Variants in BCL3 observed in about 807,000 individuals in gnomAD.
BCL3 encodes the protein BCL3 transcription coactivator.
BCL3 carries 15 observed loss-of-function variants against 35.7 expected under a neutral mutation model. The ratio of observed to expected loss-of-function variants is 0.42; its 90% CI spans 0.28 to 0.65. The LOEUF (loss-of-function observed/expected upper bound fraction) is 0.65, where lower values mean the gene tolerates loss of function less well. Ranked by LOEUF, BCL3 falls within the 30% of genes least tolerant of loss-of-function variation. BCL3 has a pLI of 0.22. For missense variants in BCL3, 565 were observed against 641.7 expected, an observed-to-expected ratio of 0.88 and a Z score of 1.29; for synonymous variants, 311 against 284.3, an observed-to-expected ratio of 1.09 and a Z score of -0.95.
chr19:44,749,110 A>G, intron 1 of BCL3, 64 bp downstream of exon 1: 1 of 895,922 alleles, frequency 1.1e-6, no homozygotes, highest in Non-Finnish European at 1.4e-6. Context: ...CACCAGAGCC[A>G]GGAGGCAGAG....
At position 44,757,540 on chromosome 19, in the gene BCL3, A is replaced by G; in HGVS notation, c.814-106A>G. 6.6e-7 allele frequency: 1 copy of G among 1,519,670 alleles called. No homozygotes were observed. Among genetic ancestry groups the G allele is most frequent in the South Asian group, 1.2e-5 (1 of 86,298 alleles). The allele number at this position is 1,519,670 out of a possible 1,614,324, so 94.1% of individuals were successfully genotyped here. ...GGTGGGGTGGGGCTTGGAGTATCAG[A>G]CCCAAGAGAGAGGCTGGACCCCGCG... On this transcript the variant is annotated intron_variant, in intron 5 of 8. Transcript: ENST00000164227. This position sits in a 1 kb window ranked among gnomAD's most constrained non-coding sequence, Gnocchi z 8.4.
upstream of BCL3, chr19:44,748,113 C>A: frequency 7.6e-7 from 1 of 1,317,610 alleles, no homozygotes. Flanking sequence ...AGTGTTTGGC[C>A]AAGGTCACCC....
At chr19:44,759,406 T>G (rs1599845148) in intron 8 of BCL3, 22 bp from the exon 9 acceptor site, 8 of 1,251,550 alleles carry the variant, frequency 6.4e-6, no homozygotes, top group Non-Finnish European at 8.4e-6. Context: ...CACCCACCCC[T>G]CTGTCTCTCT....
Position 44,751,363 on chromosome 19 carries a change from A to T in BCL3, c.393A>T (p.Ala131=). 6.3e-7 allele frequency: 1 copy of T among 1,594,774 alleles called. No individual in the cohort carries two copies. Among genetic ancestry groups the T allele is most frequent in the East Asian group, 2.3e-5 (1 of 43,466 alleles). The change falls in exon 2 of 9, where the codon GCA becomes GCT. Residue 131 remains alanine, a synonymous_variant. Coordinates refer to ENST00000164227, the MANE Select transcript of BCL3 (RefSeq NM_005178.5). ...LSADIAMATR[A]DEDGDTPLHI... The stretch of plus-strand genomic sequence containing the variant: ...CTGACATCGCCATGGCCACCCGTGC[A>T]GATGAGGACGGAGACACGTGAGTGA...
intron 2 of BCL3, among the ~76,000 whole-genome samples, chr19:44,752,720 T>A (rs1476607178): frequency 6.6e-6 from 1 of 152,208 alleles, no homozygotes; most frequent in African/African-American, 2.4e-5. Flanking sequence ...CTGCAATTGA[T>A]CATCATGATT....
chr19:44,749,283 G>T (rs1171351450), intron 1 of BCL3, among the ~76,000 whole-genome samples: 3 of 69,852 alleles, frequency 4.3e-5, no homozygotes, highest in African/African-American at 1.5e-4. Context: ...GCTGAGTGAC[G>T]TGGGGGGGGG....
Position 44,757,133 on chromosome 19 carries a change from G to T in BCL3, c.636G>T (p.Ala212=). 2 of 1,597,952 alleles carry T rather than the reference G, an allele frequency of 1.3e-6. No homozygotes were observed. Among genetic ancestry groups the T allele is most frequent in the Non-Finnish European group, 1.7e-6 (2 of 1,173,000 alleles). Residue 212 remains alanine (A), a synonymous_variant, in exon 4 of 9, where the codon GCG becomes GCT. Transcript: ENST00000164227. This position sits in a 1 kb window ranked among gnomAD's most constrained non-coding sequence, Gnocchi z 8.4. ...DRHGQTAAHL[A]CEHRSPTCLR... is the part of the protein sequence containing the mutation. ...ATGGCCAGACGGCCGCTCACCTGGC[G>T]TGCGAGCACCGCAGCCCGACCTGCC...
chr19:44,758,234 C>T lies in BCL3; in HGVS notation c.892-12C>T. On this transcript the variant is annotated splice_polypyrimidine_tract_variant and intron_variant, in intron 6 of 8. Coordinates refer to ENST00000164227, the MANE Select transcript of BCL3 (RefSeq NM_005178.5). ...CCGCGCGCCCTCCTGACCCGGCCCT[C>T]CCGTCCCGCAGCACGGCGCCAACGT... 1 of 1,474,984 alleles carries T rather than the reference C, an allele frequency of 6.8e-7. No homozygotes were observed. Among genetic ancestry groups the T allele is most frequent in the Non-Finnish European group, 8.9e-7 (1 of 1,123,168 alleles). 91.4% of individuals were successfully genotyped at this position (1,474,984 alleles called of 1,614,324 possible).
Position 44,749,054 on chromosome 19 carries a change from G to A in BCL3, c.256+8G>A. On this transcript the variant is annotated splice_region_variant and intron_variant, in intron 1 of 8. Transcript: ENST00000164227. ...AGGCGCTTTACTACCCCGGTGAGTG[G>A]CCCCCGAGGGTCCGGGCCGGGTGGG... The A allele has an allele frequency of 1.5e-6, 2 of 1,307,472 alleles. No homozygotes were observed. Among genetic ancestry groups the A allele is most frequent in the African/African-American group, 1.6e-5 (1 of 64,308 alleles). The allele number at this position is 1,307,472 out of a possible 1,614,324, so 81.0% of individuals were successfully genotyped here. A position where few individuals can be genotyped will look rare whatever the true frequency, so the allele number is the denominator to read the frequency against.
At position 44,756,185 on chromosome 19, in the gene BCL3, G is replaced by A. The variant is rs777952079; in HGVS notation, c.411-47G>A. 3.1e-6 allele frequency: 4 copies of A among 1,304,478 alleles called. 1 individual carries two copies. The South Asian group carries it at 5.9e-5, about 19-fold the overall frequency. 80.8% of individuals were successfully genotyped at this position (1,304,478 alleles called of 1,614,324 possible). A position where few individuals can be genotyped will look rare whatever the true frequency, so the allele number is the denominator to read the frequency against. On this transcript the variant is annotated intron_variant, in intron 2 of 8. Transcript: ENST00000164227. ...ATTGCCAACAGCATGAGGGTGAGAG[G>A]TGAACAACCCCTAATGCCTGTGATT... is the stretch of plus-strand genomic sequence containing the variant.
chr19:44,757,132 C>T lies in BCL3; in HGVS notation c.635C>T (p.Ala212Val). The part of the protein sequence containing the change: ...DRHGQTAAHL[A>V]CEHRSPTCLR... ...CATGGCCAGACGGCCGCTCACCTGG[C>T]GTGCGAGCACCGCAGCCCGACCTGC... Residue 212 changes from alanine to valine, a missense_variant, in exon 4 of 9, where the codon GCG becomes GTG. By Grantham distance (64) the Ala-to-Val change is moderately conservative. This residue lies in a region of BCL3 where 5 missense variants were observed against 27.2 expected (regional missense o/e 0.18). Transcript: ENST00000164227. This position sits in a 1 kb window ranked among gnomAD's most constrained non-coding sequence, Gnocchi z 8.4. The T allele has an allele frequency of 6.3e-7, 1 of 1,597,730 alleles. No homozygotes were observed.
intron 2 of BCL3, among the ~76,000 whole-genome samples, chr19:44,751,584 C>T (rs1244324775): frequency 6.6e-6 from 1 of 152,070 alleles, no homozygotes; most frequent in African/African-American, 2.4e-5. Flanking sequence ...ACCTCCTAGG[C>T]CACTATTTTT....
chr19:44,757,769 C>A lies in BCL3; in HGVS notation c.891+46C>A. ...CCTCGCGCCCACCCTATCCTCTGAC[C>A]CCAACCCGGCTCTGGCCTCAGCCCC... On this transcript the variant is annotated intron_variant, in intron 6 of 8. Coordinates refer to ENST00000164227, the MANE Select transcript of BCL3 (RefSeq NM_005178.5). The surrounding 1 kb of genome is among the most constrained non-coding windows in gnomAD (Gnocchi z 8.4). 1 of 1,580,188 alleles carries A rather than the reference C, an allele frequency of 6.3e-7. No individual in the cohort carries two copies. The highest frequency in any genetic ancestry group is 8.7e-7 in the Non-Finnish European group (1 of 1,152,254).
chr19:44,756,336 G>A lies in BCL3; in HGVS notation c.515G>A (p.Arg172Gln), dbSNP rs1398101495. The change falls in exon 3 of 9, where the codon CGG becomes CAG. Residue 172 changes from arginine to glutamine, a missense_variant. Transcript: ENST00000164227. ...GAGCTCGACATCTACAACAACCTACGGCAGGTGAGGCTCGGTCTGAGGGAG... is the reference window on the plus strand; with the variant it reads ...GAGCTCGACATCTACAACAACCTACAGCAGGTGAGGCTCGGTCTGAGGGAG... ...GRELDIYNNLRQTPLHLAVIT... is the reference protein window; with the variant it reads ...GRELDIYNNLQQTPLHLAVIT... 6 of 1,500,648 alleles carry A rather than the reference G, an allele frequency of 4.0e-6. No individual in the cohort carries two copies. Among genetic ancestry groups the A allele is most frequent in the Non-Finnish European group, 2.7e-6 (3 of 1,118,040 alleles). The allele number at this position is 1,500,648 out of a possible 1,614,324, so 93.0% of individuals were successfully genotyped here.
chr19:44,756,980 G>T, intron 3 of BCL3, 37 bp from the exon 4 acceptor site: 1 of 1,555,398 alleles, frequency 6.4e-7, no homozygotes, highest in East Asian at 2.4e-5. Context: ...TAGAGAGCAG[G>T]GCTGGACACA....
At chr19:44,750,351 T>A (rs1967153799) in intron 1 of BCL3, among the ~76,000 whole-genome samples, 1 of 146,350 alleles carries the variant, frequency 6.8e-6, no homozygotes, top group Non-Finnish European at 1.5e-5. Flanking sequence ...CAGGCTGGAG[T>A]GCATTGGCGT....
At position 44,757,698 on chromosome 19, in the gene BCL3, T is replaced by G; in HGVS notation, c.866T>G (p.Leu289Arg). 6.2e-7 allele frequency: 1 copy of G among 1,613,878 alleles called. No individual in the cohort carries two copies. Among genetic ancestry groups the G allele is most frequent in the Non-Finnish European group, 8.5e-7 (1 of 1,179,904 alleles). Reference protein sequence around the residue: ...PLIHAVENNSLSMVQLLLQHG... With the variant: ...PLIHAVENNSRSMVQLLLQHG... ...ATCCACGCCGTGGAAAACAACAGCCTTAGCATGGTGCAGCTGCTGCTGCAG... is the reference window on the plus strand; with the variant it reads ...ATCCACGCCGTGGAAAACAACAGCCGTAGCATGGTGCAGCTGCTGCTGCAG... The change falls in exon 6 of 9, where the codon CTT (leucine) becomes CGT (arginine). Residue 289 changes from leucine to arginine, a missense_variant. This residue lies in a region of BCL3 where 103 missense variants were observed against 106.7 expected (regional missense o/e 0.97). Coordinates refer to ENST00000164227, the MANE Select transcript of BCL3 (RefSeq NM_005178.5). The surrounding 1 kb of genome is among the most constrained non-coding windows in gnomAD (Gnocchi z 8.4).
intron 2 of BCL3, among the ~76,000 whole-genome samples, chr19:44,751,795 G>T (rs1967185551): frequency 6.6e-6 from 1 of 152,088 alleles, no homozygotes; most frequent in African/African-American, 2.4e-5. Flanking sequence ...TAGAGACAGG[G>T]TTTCACCATG....
Position 44,757,525 on chromosome 19 carries a change from G to A in BCL3, c.813+110G>A. The A allele has an allele frequency of 6.6e-7, 1 of 1,506,728 alleles. No homozygotes were observed. The highest frequency in any genetic ancestry group is 9.1e-7 in the Non-Finnish European group (1 of 1,098,600). 93.3% of individuals were successfully genotyped at this position (1,506,728 alleles called of 1,614,324 possible). On this transcript the variant is annotated intron_variant, in intron 5 of 8. Coordinates refer to ENST00000164227, the MANE Select transcript of BCL3 (RefSeq NM_005178.5). The surrounding 1 kb of genome is among the most constrained non-coding windows in gnomAD (Gnocchi z 8.4). ...GTGGGAGAGCACCCGGGTGGGGTGGGGCTTGGAGTATCAGACCCAAGAGAG... is the reference window on the plus strand; with the variant it reads ...GTGGGAGAGCACCCGGGTGGGGTGGAGCTTGGAGTATCAGACCCAAGAGAG...
Sources: gnomAD v4.1 joint callset for allele counts (sites outside exome capture counted in the v4.1 genomes callset) on GRCh38, gnomAD v4.1.1 for gene constraint, gnomAD v4.1.1 regional missense constraint, Gnocchi (gnomAD v3.1) non-coding constraint, MANE v1.5 for transcripts, NCBI Gene and HGNC (gene_info 2026-07-23, HGNC 2026-07-21) for gene names.